The following SH2D4A variants were observed in gnomAD, a reference collection of about 807,000 sequenced individuals.
SH2D4A encodes the protein SH2 domain containing 4A, also known as SH2 domain-containing protein 4A.
Under a neutral mutation model 64.7 loss-of-function variants are expected in SH2D4A, and 70 were observed. That is an observed-to-expected ratio of 1.08 (90% CI 0.89 to 1.32). The LOEUF (loss-of-function observed/expected upper bound fraction) is 1.32. Ranked by LOEUF, SH2D4A falls within the 40% of genes most tolerant of loss-of-function variation. SH2D4A has a pLI of 0.00. For synonymous variants in SH2D4A, 268 were observed against 200.7 expected (o/e 1.34, Z -2.83); for missense variants, 706 against 540.1 (o/e 1.31, Z -3.04).
intron 6 of SH2D4A, 53 bp from the exon 7 acceptor site, chr8:19,364,019 T>C: frequency 6.3e-7 from 1 of 1,581,326 alleles, no homozygotes; most frequent in South Asian, 1.1e-5. Context: ...CTGAGCCTTC[T>C]CACCTGCTCT....
intron 2 of SH2D4A, among the ~76,000 whole-genome samples, chr8:19,324,293 G>A (rs373279932): frequency 1.4e-4 from 22 of 152,198 alleles, no homozygotes; most frequent in African/African-American, 4.3e-4. Context: ...TGCAAGGTGC[G>A]GAAGGGGCTC....
chr8:19,345,126 T>C (rs1373710276), intron 4 of SH2D4A, among the ~76,000 whole-genome samples: 2 of 152,174 alleles, frequency 1.3e-5, no homozygotes, highest in Non-Finnish European at 2.9e-5. Context: ...TTAGTGATCA[T>C]AGAGCCCAGG....
chr8:19,342,039 A>C (rs1462775058), intron 4 of SH2D4A, among the ~76,000 whole-genome samples: 1 of 152,186 alleles, frequency 6.6e-6, no homozygotes, highest in Non-Finnish European at 1.5e-5. Flanking sequence ...TGGAGGAGTC[A>C]GTTTCTTCTA....
At chr8:19,351,680 T>C (rs569725431) in intron 4 of SH2D4A, among the ~76,000 whole-genome samples, 1 of 152,282 alleles carries the variant, frequency 6.6e-6, no homozygotes, top group East Asian at 1.9e-4. Flanking sequence ...TTCATTTTCA[T>C]CTTTACCATA....
chr8:19,364,511 G>A (rs1264924254), intron 7 of SH2D4A, among the ~76,000 whole-genome samples: 2 of 152,080 alleles, frequency 1.3e-5, no homozygotes, highest in African/African-American at 2.4e-5. Flanking sequence ...AGTATACCCA[G>A]TGAAATAGTA....
In SH2D4A at chr8:19,392,468, C is replaced by T. The variant is rs553499089; in HGVS notation, c.1049-850C>T. Among the ~76,000 whole-genome samples the T allele has an allele frequency of 7.9e-5, 12 of 152,182 alleles. No homozygotes were observed. In the East Asian group the frequency reaches 2.3e-3, roughly 30 times the overall value. On this transcript the variant is annotated intron_variant, in intron 8 of 9. Coordinates refer to ENST00000265807, the MANE Select transcript of SH2D4A (RefSeq NM_022071.4). ...TTTAGCAACATCCCTGACCTCTAACCCCATCCTCCATCCATGACAACCAAA... is the reference window on the plus strand; with the variant it reads ...TTTAGCAACATCCCTGACCTCTAACTCCATCCTCCATCCATGACAACCAAA...
At chr8:19,382,905 G>C (rs529491734) in intron 8 of SH2D4A, among the ~76,000 whole-genome samples, 1 of 133,466 alleles carries the variant, frequency 7.5e-6, no homozygotes, top group African/African-American at 2.8e-5. Context: ...ATCTTGACTC[G>C]CTACAGCCTT....
At chr8:19,367,667 C>A (rs1465056932) in intron 7 of SH2D4A, among the ~76,000 whole-genome samples, 1 of 152,092 alleles carries the variant, frequency 6.6e-6, no homozygotes, top group Non-Finnish European at 1.5e-5. Context: ...CTTTCTGTAA[C>A]TTGTCTCTTT....
chr8:19,394,882 C>T lies in SH2D4A; in HGVS notation c.*240C>T, dbSNP rs1006047159. 1.7e-5 allele frequency: 6 copies of T among 362,058 alleles called. No individual in the cohort carries two copies. The highest frequency in any genetic ancestry group is 3.0e-5 in the Non-Finnish European group (6 of 201,740). 22.4% of individuals were successfully genotyped at this position (362,058 alleles called of 1,614,324 possible). A position where few individuals can be genotyped will look rare whatever the true frequency, so the allele number is the denominator to read the frequency against. On this transcript the variant is annotated 3_prime_UTR_variant, in exon 10 of 10. Transcript: ENST00000265807. ...GAAGAGTCTCAATTTCAGCAAGTAC[C>T]TGTCATGAAGGGTATGACCTTAATG...
At chr8:19,360,181 G>A (rs1481853029) in intron 5 of SH2D4A, among the ~76,000 whole-genome samples, 1 of 151,682 alleles carries the variant, frequency 6.6e-6, no homozygotes, top group Non-Finnish European at 1.5e-5. Flanking sequence ...GGTAAATTTT[G>A]TTATGTGGAA....
chr8:19,336,305 C>A (rs2052445075), intron 4 of SH2D4A, among the ~76,000 whole-genome samples: 1 of 152,072 alleles, frequency 6.6e-6, no homozygotes, highest in Admixed American at 6.5e-5. Context: ...AATATGAGGG[C>A]TATGAAGAAG....
chr8:19,367,857 C>T (rs2053025689), intron 7 of SH2D4A, among the ~76,000 whole-genome samples: 2 of 152,060 alleles, frequency 1.3e-5, no homozygotes, highest in South Asian at 4.1e-4. Context: ...GGGAGGATTG[C>T]TTGAGGCCAG....
chr8:19,352,208 T>G (rs2052716537), intron 4 of SH2D4A, among the ~76,000 whole-genome samples: 1 of 152,252 alleles, frequency 6.6e-6, no homozygotes, highest in Admixed American at 6.5e-5. Flanking sequence ...GAAGCATATT[T>G]TGTAACCATG....
chr8:19,345,786 G>C (rs1041308149), intron 4 of SH2D4A, among the ~76,000 whole-genome samples: 2 of 152,232 alleles, frequency 1.3e-5, no homozygotes, highest in African/African-American at 2.4e-5. Flanking sequence ...TTTTATACCA[G>C]TGTAACCCAA....
chr8:19,350,243 T>C (rs1434407497), intron 4 of SH2D4A, among the ~76,000 whole-genome samples: 1 of 152,204 alleles, frequency 6.6e-6, no homozygotes, highest in Non-Finnish European at 1.5e-5. Context: ...GAGTGGCCTT[T>C]GAAACTCCCT....
intron 9 of SH2D4A, 145 bp from the exon 10 acceptor site, chr8:19,394,405 T>C (rs903404058): frequency 3.5e-5 from 19 of 536,546 alleles, no homozygotes; most frequent in Non-Finnish European, 5.6e-5. Context: ...CACATGTAGA[T>C]AAGAAAAATG....
intron 1 of SH2D4A, among the ~76,000 whole-genome samples, 199 bp from the exon 2 acceptor site, chr8:19,319,145 G>A (rs78898903): frequency 6.8e-6 from 1 of 146,072 alleles, no homozygotes; most frequent in African/African-American, 2.5e-5. Flanking sequence ...TTTTTTTTTT[G>A]ACAGAGTATC....
intron 8 of SH2D4A, 52 bp from the exon 9 acceptor site, chr8:19,393,266 A>T: frequency 6.5e-7 from 1 of 1,547,174 alleles, no homozygotes; most frequent in Non-Finnish European, 8.9e-7. Context: ...AACAGAGGGG[A>T]TTTTCTGGAA....
intron 8 of SH2D4A, among the ~76,000 whole-genome samples, chr8:19,381,770 C>T (rs1234431557): frequency 1.3e-5 from 2 of 152,148 alleles, no homozygotes; most frequent in African/African-American, 2.4e-5. Context: ...ATGATGTTTG[C>T]TGTGGGTTTT....
Sources: allele counts gnomAD v4.1 joint callset (sites outside exome capture counted in the v4.1 genomes callset), GRCh38; gene constraint gnomAD v4.1.1; transcripts MANE v1.5; gene names NCBI Gene and HGNC (gene_info 2026-07-23, HGNC 2026-07-21).